CNTN4: variants seen among roughly 807,000 people sequenced by gnomAD.
CNTN4 encodes contactin 4, also known as contactin-4.
In CNTN4, 77 loss-of-function variants were observed where a neutral mutation model predicts 122.5. That is an observed-to-expected ratio of 0.63 (90% CI 0.52 to 0.76). CNTN4 has a LOEUF of 0.76. CNTN4 is among the 30% of genes least tolerant of loss of function. The probability of loss-of-function intolerance (pLI) is 0.00; values close to 1 mark genes in which losing one functional copy is unlikely to be tolerated. For synonymous variants in CNTN4, 512 were observed against 447.0 expected, an observed-to-expected ratio of 1.15 and a Z score of -1.83; for missense variants, 1,256 against 1,259.1, an observed-to-expected ratio of 1.00 and a Z score of 0.04.
chr3:3,031,289 A>G (rs1366273110), intron 16 of CNTN4, among the ~76,000 whole-genome samples: 1 of 152,222 alleles, frequency 6.6e-6, no homozygotes, highest in Non-Finnish European at 1.5e-5. Context: ...AAAAGCAGAT[A>G]GTTTAAAGAG....
chr3:2,435,812 C>G (rs941764239), intron 3 of CNTN4, among the ~76,000 whole-genome samples: 2 of 152,134 alleles, frequency 1.3e-5, no homozygotes, highest in Non-Finnish European at 2.9e-5. Flanking sequence ...TGTACAAATT[C>G]TACAGAAATC....
intron 20 of CNTN4, among the ~76,000 whole-genome samples, chr3:3,040,566 C>T (rs147361003): frequency 2.0e-5 from 3 of 152,300 alleles, no homozygotes; most frequent in African/African-American, 7.2e-5. Context: ...TCATTACTTT[C>T]AAAAGAATTT....
chr3:2,538,334 C>G (rs2077891569), intron 3 of CNTN4, among the ~76,000 whole-genome samples: 1 of 152,074 alleles, frequency 6.6e-6, no homozygotes, highest in South Asian at 2.1e-4. Context: ...GTTTACGTTA[C>G]TGTGTTACAG....
intron 4 of CNTN4, among the ~76,000 whole-genome samples, chr3:2,669,969 A>T (rs887933642): frequency 6.6e-6 from 1 of 152,064 alleles, no homozygotes; most frequent in African/African-American, 2.4e-5. Flanking sequence ...AATTTGTTAT[A>T]ATTTCTGTTC....
intron 4 of CNTN4, among the ~76,000 whole-genome samples, chr3:2,596,363 C>G (rs1047118715): frequency 6.6e-6 from 1 of 152,046 alleles, no homozygotes; most frequent in Non-Finnish European, 1.5e-5. Flanking sequence ...TTTAAACATA[C>G]TAGTAAAATG....
intron 10 of CNTN4, among the ~76,000 whole-genome samples, chr3:2,888,734 A>C (rs1425517179): frequency 6.6e-6 from 1 of 152,046 alleles, no homozygotes; most frequent in African/African-American, 2.4e-5. Context: ...ATACATATTT[A>C]TGTACATATG....
At chr3:2,729,558 A>AAAAAAAAT (rs2088516962) in intron 4 of CNTN4, among the ~76,000 whole-genome samples, 1 of 150,686 alleles carries the variant, frequency 6.6e-6, no homozygotes, top group Admixed American at 6.6e-5. Context: ...AAAAAAAAAA[A>AAAAAAAAT]AAAAAGAAGA....
At chr3:2,155,716 A>G (rs2035689907) in intron 2 of CNTN4, among the ~76,000 whole-genome samples, 1 of 152,088 alleles carries the variant, frequency 6.6e-6, no homozygotes. Flanking sequence ...CGTGCTCTCT[A>G]CTGTGAAACC....
intron 2 of CNTN4, among the ~76,000 whole-genome samples, chr3:2,247,175 G>T (rs2040189896): frequency 6.6e-6 from 1 of 152,032 alleles, no homozygotes; most frequent in Admixed American, 6.6e-5. Flanking sequence ...CTGTTGATAA[G>T]CTATTGCCGT....
chr3:2,388,888 T>C (rs1029789045), intron 3 of CNTN4, among the ~76,000 whole-genome samples: 2 of 149,368 alleles, frequency 1.3e-5, no homozygotes, highest in Non-Finnish European at 3.0e-5. Context: ...CCAGGCGCAG[T>C]GTCTCACGCC....
In CNTN4 at chr3:2,571,656, G is replaced by A. The variant is rs553409555; in HGVS notation, c.55+98G>A. 3.9e-5 allele frequency: 34 copies of A among 870,216 alleles called. No individual in the cohort carries two copies. The East Asian group carries it at 4.4e-4, about 11-fold the overall frequency. 53.9% of individuals were successfully genotyped at this position (870,216 alleles called of 1,614,324 possible). A position where few individuals can be genotyped will look rare whatever the true frequency, so the allele number is the denominator to read the frequency against. On this transcript the variant is annotated intron_variant, in intron 4 of 24. Transcript: ENST00000418658. ...CACTTTAGACGGCAATGATAAAATC[G>A]CAAGAGTATATGCTGCTATGACTAG...
chr3:2,744,894 A>G (rs1365188612), intron 5 of CNTN4, among the ~76,000 whole-genome samples: 1 of 152,210 alleles, frequency 6.6e-6, no homozygotes, highest in Admixed American at 6.5e-5. Flanking sequence ...CCGATAACCT[A>G]ATAGCCTAAT....
intron 3 of CNTN4, among the ~76,000 whole-genome samples, chr3:2,430,520 T>C (rs1013635351): frequency 1.3e-5 from 2 of 150,810 alleles, no homozygotes; most frequent in South Asian, 2.1e-4. Flanking sequence ...TCGGCCATCT[T>C]AGAACCTCCC....
rs140231929 is a variant in CNTN4, at chr3:2,303,686, C to G, written c.-144-35492C>G. Reference sequence around the variant, plus strand: ...TAAATTACTACTATAGCAGGTCTCTCATACCTTGCAATTTCAGCAGCTCCG... The same window carrying G: ...TAAATTACTACTATAGCAGGTCTCTGATACCTTGCAATTTCAGCAGCTCCG... On this transcript the variant is annotated intron_variant, in intron 2 of 24. Coordinates refer to ENST00000418658, the MANE Select transcript of CNTN4 (RefSeq NM_175607.3). Among the ~76,000 whole-genome samples, 37 of 152,278 alleles carry G rather than the reference C, an allele frequency of 2.4e-4. No homozygotes were observed. In the East Asian group the frequency reaches 7.1e-3, roughly 29 times the overall value.
chr3:2,414,435 A>G (rs1449046770), intron 3 of CNTN4, among the ~76,000 whole-genome samples: 2 of 152,318 alleles, frequency 1.3e-5, no homozygotes, highest in Non-Finnish European at 2.9e-5. Flanking sequence ...GACAACAAAA[A>G]TGGCATATGT....
chr3:2,834,585 A>G (rs1458157634), intron 7 of CNTN4, among the ~76,000 whole-genome samples: 1 of 152,188 alleles, frequency 6.6e-6, no homozygotes, highest in Non-Finnish European at 1.5e-5. Flanking sequence ...AACAAACTAC[A>G]GCAACAACAA....
At chr3:2,287,632 G>GAGA (rs1210971247) in intron 2 of CNTN4, among the ~76,000 whole-genome samples, 234 of 49,482 alleles carry the variant, frequency 4.7e-3, no homozygotes, top group African/African-American at 0.015. Context: ...GAAGGAGAAG[G>GAGA]AGAAGAAGAA....
chr3:2,425,827 C>T (rs971474206), intron 3 of CNTN4, among the ~76,000 whole-genome samples: 2 of 152,118 alleles, frequency 1.3e-5, no homozygotes, highest in African/African-American at 4.8e-5. Flanking sequence ...CTCTTTGAAG[C>T]AATTGTGAAT....
chr3:2,391,601 A>T (rs2046443846), intron 3 of CNTN4, among the ~76,000 whole-genome samples: 1 of 152,184 alleles, frequency 6.6e-6, no homozygotes. Context: ...TTTGTTGGGA[A>T]GTATAATAAA....
Sources: allele counts gnomAD v4.1 joint callset (sites outside exome capture counted in the v4.1 genomes callset), GRCh38; gene constraint gnomAD v4.1.1; transcripts MANE v1.5; gene names NCBI Gene and HGNC (gene_info 2026-07-23, HGNC 2026-07-21).